Variants in SLCO5A1 observed in about 807,000 individuals in gnomAD.
SLCO5A1 encodes solute carrier organic anion transporter family member 5A1, also known as organic anion transporter polypeptide-related protein 4.
Under a neutral mutation model 65.1 loss-of-function variants are expected in SLCO5A1, and 39 were observed. The ratio of observed to expected loss-of-function variants is 0.60; its 90% CI spans 0.46 to 0.78. The LOEUF (loss-of-function observed/expected upper bound fraction) is 0.78. Ranked by LOEUF, SLCO5A1 falls within the 30% of genes least tolerant of loss-of-function variation. The pLI, the probability that SLCO5A1 is intolerant of heterozygous loss-of-function variation, is 0.00. For synonymous variants in SLCO5A1, 438 were observed against 415.7 expected, an observed-to-expected ratio of 1.05 and a Z score of -0.65; for missense variants, 1,029 against 1,069.4, an observed-to-expected ratio of 0.96 and a Z score of 0.53.
chr8:69,777,705 G>T (rs1273085889), intron 2 of SLCO5A1, among the ~76,000 whole-genome samples: 2 of 152,168 alleles, frequency 1.3e-5, no homozygotes, highest in African/African-American at 2.4e-5. Flanking sequence ...TGTCCCCACC[G>T]GGGATGTGAA....
intron 6 of SLCO5A1, among the ~76,000 whole-genome samples, chr8:69,704,001 G>A (rs1167282887): frequency 6.6e-6 from 1 of 152,210 alleles, no homozygotes; most frequent in African/African-American, 2.4e-5. Flanking sequence ...TTGGTGACAT[G>A]AAATCAGCCA....
At chr8:69,717,189 A>T (rs1815588431) in intron 5 of SLCO5A1, among the ~76,000 whole-genome samples, 1 of 152,164 alleles carries the variant, frequency 6.6e-6, no homozygotes. Flanking sequence ...GGTCACAAAG[A>T]GTTATGCCTA....
At chr8:69,782,579 CAAAAAAAAAAA>C (rs773987113) in intron 2 of SLCO5A1, among the ~76,000 whole-genome samples, 1 of 53,974 alleles carries the variant, frequency 1.9e-5, no homozygotes, top group Non-Finnish European at 4.0e-5. Context: ...GACCCTGTCT[CAAAAAAAAAAA>C]AAAAAAAAAA....
intron 2 of SLCO5A1, among the ~76,000 whole-genome samples, chr8:69,792,194 A>C (rs1392017006): frequency 2.6e-5 from 4 of 152,162 alleles, no homozygotes; most frequent in Non-Finnish European, 5.9e-5. Flanking sequence ...ACATAAGAAA[A>C]TCTCAAGCCA....
chr8:69,752,503 AT>A (rs1320113346), intron 4 of SLCO5A1, among the ~76,000 whole-genome samples: 1 of 152,070 alleles, frequency 6.6e-6, no homozygotes, highest in Non-Finnish European at 1.5e-5. Context: ...TTGGAAAATT[AT>A]ATTAAATATG....
At chr8:69,821,544 C>G (rs947157295) in intron 2 of SLCO5A1, among the ~76,000 whole-genome samples, 22 of 152,046 alleles carry the variant, frequency 1.4e-4, no homozygotes, top group African/African-American at 5.1e-4. Context: ...CGCAGTGGCT[C>G]ACATCTGTAA....
chr8:69,680,797 C>T (rs1586675479), intron 7 of SLCO5A1, among the ~76,000 whole-genome samples: 1 of 152,094 alleles, frequency 6.6e-6, no homozygotes. Context: ...TGCCCTACAC[C>T]CTATAGAAGA....
rs56392223 is a variant in SLCO5A1 at position 69,729,446 on chromosome 8, C to CAAA, written c.1423+8591_1423+8593dup. 1.0e-2 allele frequency among the ~76,000 whole-genome samples: 805 copies of CAAA among 80,518 alleles called. 115 individuals carry two copies. Among genetic ancestry groups the CAAA allele is most frequent in the East Asian group, 0.014 (36 of 2,528 alleles). The allele number at this position is 80,518 out of a possible 152,430, so 52.8% of individuals were successfully genotyped here. On this transcript the variant is annotated intron_variant, in intron 5 of 9. Coordinates refer to ENST00000260126, the MANE Select transcript of SLCO5A1 (RefSeq NM_030958.3). The stretch of plus-strand genomic sequence containing the variant: ...GCGAAAGAGCGAGACTCCGTCCCAA[C>CAAA]AAAAAAAAAAAAAAAAAAAAAAAAA...
At chr8:69,688,921 C>A (rs1814117202) in intron 6 of SLCO5A1, among the ~76,000 whole-genome samples, 2 of 152,148 alleles carry the variant, frequency 1.3e-5, no homozygotes, top group Non-Finnish European at 2.9e-5. Context: ...ACACTGACTT[C>A]CACCATGGTT....
chr8:69,800,838 A>T (rs1228082797), intron 2 of SLCO5A1, among the ~76,000 whole-genome samples: 1 of 152,202 alleles, frequency 6.6e-6, no homozygotes, highest in East Asian at 1.9e-4. Context: ...TTCCCCTGGC[A>T]GTTAAGTGTT....
chr8:69,828,370 A>C (rs942985574), intron 2 of SLCO5A1, among the ~76,000 whole-genome samples: 1 of 152,164 alleles, frequency 6.6e-6, no homozygotes, highest in Non-Finnish European at 1.5e-5. Context: ...TGGGAGGCCA[A>C]GGCGGGTGGA....
At chr8:69,783,691 T>C (rs181101536) in intron 2 of SLCO5A1, among the ~76,000 whole-genome samples, 4 of 152,242 alleles carry the variant, frequency 2.6e-5, no homozygotes, top group South Asian at 4.1e-4. Context: ...TAATCATTAA[T>C]CAATCAGTAG....
At chr8:69,777,418 T>C (rs1296635790) in intron 2 of SLCO5A1, among the ~76,000 whole-genome samples, 1 of 149,286 alleles carries the variant, frequency 6.7e-6, no homozygotes, top group Non-Finnish European at 1.5e-5. Context: ...GAAGGAGGGA[T>C]TCAAAAGAGG....
intron 5 of SLCO5A1, among the ~76,000 whole-genome samples, chr8:69,729,446 C>CAAAAAAAAAA (rs56392223): frequency 7.5e-5 from 6 of 80,518 alleles, no homozygotes; most frequent in African/African-American, 1.0e-4. Context: ...TCCGTCCCAA[C>CAAAAAAAAAA]AAAAAAAAAA....
chr8:69,712,645 G>T (rs1361325005), intron 5 of SLCO5A1, among the ~76,000 whole-genome samples: 1 of 152,062 alleles, frequency 6.6e-6, no homozygotes, highest in South Asian at 2.1e-4. Context: ...GGTACCCAGC[G>T]CTAGCCCCTC....
chr8:69,755,498 A>G lies in SLCO5A1; in HGVS notation c.1184T>C (p.Leu395Pro). 6.2e-7 allele frequency: 1 copy of G among 1,614,116 alleles called. No homozygotes were observed. Among genetic ancestry groups the G allele is most frequent in the Non-Finnish European group, 8.5e-7 (1 of 1,179,994 alleles). The stretch of plus-strand genomic sequence containing the variant: ...TTCACTGTTGTTTGATTTCTCCTTC[A>G]GAACATCGTCATCACTAACAGCATC... ...SVDAVSDDDV[L>P]KEKSNNSEQA... is the part of the protein sequence containing the mutation. The change falls in exon 4 of 10, where the codon CTG becomes CCG. Residue 395 changes from leucine (L) to proline (P), a missense_variant. Physicochemically the swap from Leu to Pro is moderately conservative, Grantham distance 98 (BLOSUM62 -3). Around this residue, in one of 3 missense-constraint regions of SLCO5A1, gnomAD observed 647 missense variants for 647.5 expected, o/e 1.00. Transcript: ENST00000260126.
intron 4 of SLCO5A1, among the ~76,000 whole-genome samples, chr8:69,742,791 A>ATTTTTTTTTTT (rs1816842285): frequency 1.2e-5 from 1 of 80,908 alleles, no homozygotes; most frequent in African/African-American, 5.7e-5. Flanking sequence ...GTGTGAGTGG[A>ATTTTTTTTTTT]TTCTTTTTTT....
At chr8:69,824,693 G>A (rs1011990236) in intron 2 of SLCO5A1, among the ~76,000 whole-genome samples, 3 of 152,110 alleles carry the variant, frequency 2.0e-5, no homozygotes, top group African/African-American at 7.2e-5. Flanking sequence ...AATTCTACCA[G>A]AGGTACAAGG....
chr8:69,697,491 G>T (rs1814546397), intron 6 of SLCO5A1, among the ~76,000 whole-genome samples: 1 of 152,246 alleles, frequency 6.6e-6, no homozygotes, highest in South Asian at 2.1e-4. Flanking sequence ...ATCATTAAAT[G>T]AGATAATTTC....
Sources: gnomAD v4.1 joint callset for allele counts (sites outside exome capture counted in the v4.1 genomes callset) on GRCh38, gnomAD v4.1.1 for gene constraint, gnomAD v4.1.1 regional missense constraint, MANE v1.5 for transcripts, NCBI Gene and HGNC (gene_info 2026-07-23, HGNC 2026-07-21) for gene names.